Variants in RIPOR2 observed in about 807,000 individuals in gnomAD.
RIPOR2 encodes the protein RHO family interacting cell polarization regulator 2, also known as rho family-interacting cell polarization regulator 2.
Under a neutral mutation model 114.5 loss-of-function variants are expected in RIPOR2, and 39 were observed. That is an observed-to-expected ratio of 0.34 (90% confidence interval 0.26 to 0.44). The LOEUF is 0.44. Among genes scored for constraint, RIPOR2 ranks in the 20% least tolerant of loss-of-function variants. The pLI, the probability that RIPOR2 is intolerant of heterozygous loss-of-function variation, is 1.00. For synonymous variants in RIPOR2, 445 were observed against 484.4 expected, an observed-to-expected ratio of 0.92 and a Z score of 1.07; for missense variants, 1,007 against 1,255.1, an observed-to-expected ratio of 0.80 and a Z score of 2.99.
chr6:24,811,956 T>C (rs1249994458), intron 20 of RIPOR2, among the ~76,000 whole-genome samples: 1 of 8,046 alleles, frequency 1.2e-4, no homozygotes, highest in African/African-American at 1.9e-4. Context: ...TGCGATAGTT[T>C]ACTGAGAATG....
At chr6:24,864,195 T>A (rs2113845071) in intron 7 of RIPOR2, among the ~76,000 whole-genome samples, 1 of 152,090 alleles carries the variant, frequency 6.6e-6, no homozygotes, top group Non-Finnish European at 1.5e-5. Context: ...TCCCAGCTAC[T>A]TGGGAAGCTG....
chr6:24,993,520 C>A (rs549234976), intron 1 of RIPOR2, among the ~76,000 whole-genome samples: 57 of 152,314 alleles, frequency 3.7e-4, no homozygotes, highest in African/African-American at 1.3e-3. Context: ...ACCATTGGGT[C>A]TTGCTTTTTT....
chr6:24,948,706 T>A (rs561926266), intron 1 of RIPOR2, among the ~76,000 whole-genome samples: 2 of 152,270 alleles, frequency 1.3e-5, no homozygotes, highest in East Asian at 3.9e-4. Flanking sequence ...TAATTTTGTA[T>A]TTTTAGTAGA....
intron 21 of RIPOR2, among the ~76,000 whole-genome samples, chr6:24,808,466 T>C (rs1780919713): frequency 2.0e-5 from 3 of 152,342 alleles, no homozygotes; most frequent in Admixed American, 1.3e-4. Context: ...TAAACAAATA[T>C]ATACTGGCTA....
At chr6:24,831,402 A>C (rs1319357826) in intron 16 of RIPOR2, among the ~76,000 whole-genome samples, 3 of 152,008 alleles carry the variant, frequency 2.0e-5, no homozygotes, top group African/African-American at 7.2e-5. Context: ...GGAAATTTTT[A>C]CCCTGCCCAG....
chr6:24,905,220 C>T (rs750203766), intron 1 of RIPOR2, among the ~76,000 whole-genome samples: 1 of 152,150 alleles, frequency 6.6e-6, no homozygotes, highest in Non-Finnish European at 1.5e-5. Context: ...GCCTTCCTGA[C>T]CCAACAATCC....
intron 1 of RIPOR2, among the ~76,000 whole-genome samples, chr6:24,966,714 A>G (rs999220867): frequency 2.5e-4 from 38 of 152,350 alleles, no homozygotes; most frequent in African/African-American, 9.1e-4. Flanking sequence ...GATCCAAGGT[A>G]CAGCACTGCC....
chr6:24,957,862 G>A (rs1753528), intron 1 of RIPOR2, among the ~76,000 whole-genome samples: 120,863 of 152,152 alleles, frequency 0.79, 51,596 homozygotes, highest in East Asian at 0.96. Context: ...GCGACAGAGC[G>A]AAGACTCCGT....
chr6:24,958,970 G>A (rs1371956953), intron 1 of RIPOR2, among the ~76,000 whole-genome samples: 22 of 6,804 alleles, frequency 3.2e-3, no homozygotes, highest in African/African-American at 0.016. Flanking sequence ...TTTTTTTTTG[G>A]AGACAGGGTC....
In RIPOR2 at chr6:25,012,219, T is replaced by C. The variant is rs75441725; in HGVS notation, c.76+29632A>G. Among the ~76,000 whole-genome samples the C allele has an allele frequency of 9.8e-3, 1,486 of 152,250 alleles. 12 individuals are homozygous for C. The highest frequency in any genetic ancestry group is 0.017 in the Non-Finnish European group (1,143 of 68,006). On this transcript the variant is annotated intron_variant, in intron 1 of 13. Transcript: ENST00000510784. ...TGGTTAAACTAAAAAAGATAGATAA[T>C]ATAATAACATATGTTCTTGAGAATG...
intron 1 of RIPOR2, among the ~76,000 whole-genome samples, chr6:24,912,212 G>A (rs1178231680): frequency 1.3e-5 from 2 of 152,200 alleles, no homozygotes; most frequent in Non-Finnish European, 2.9e-5. Flanking sequence ...GACCATCTCT[G>A]TCTGATATAA....
chr6:25,025,616 A>T (rs1411855309), intron 1 of RIPOR2, among the ~76,000 whole-genome samples: 3 of 152,252 alleles, frequency 2.0e-5, no homozygotes, highest in Non-Finnish European at 4.4e-5. Flanking sequence ...AATTGTTTTT[A>T]GAATATAACT....
intron 1 of RIPOR2, among the ~76,000 whole-genome samples, chr6:24,903,377 A>G (rs1169810554): frequency 6.6e-6 from 1 of 152,178 alleles, no homozygotes; most frequent in Non-Finnish European, 1.5e-5. Context: ...CTCTCCATGT[A>G]TCAGAGTATC....
chr6:24,899,019 T>C (rs1768161672), intron 1 of RIPOR2, among the ~76,000 whole-genome samples: 1 of 150,546 alleles, frequency 6.6e-6, no homozygotes, highest in South Asian at 2.1e-4. Flanking sequence ...TAGGTGTGAG[T>C]TCAAAGAGGC....
At chr6:24,984,089 C>T (rs941206567) in intron 1 of RIPOR2, among the ~76,000 whole-genome samples, 7 of 152,126 alleles carry the variant, frequency 4.6e-5, no homozygotes, top group African/African-American at 1.4e-4. Context: ...CTTGACACCT[C>T]GGAGCACCAG....
intron 1 of RIPOR2, among the ~76,000 whole-genome samples, chr6:24,946,620 T>C (rs752390026): frequency 6.6e-6 from 1 of 152,118 alleles, no homozygotes; most frequent in South Asian, 2.1e-4. Flanking sequence ...CTGGTGCAGA[T>C]CTCACATTGA....
chr6:25,035,439 G>A (rs966629752), intron 1 of RIPOR2, among the ~76,000 whole-genome samples: 1 of 152,072 alleles, frequency 6.6e-6, no homozygotes, highest in African/African-American at 2.4e-5. Flanking sequence ...GCCTAAAATC[G>A]CAGCACAAGG....
chr6:24,934,645 T>A (rs897883494), intron 1 of RIPOR2, among the ~76,000 whole-genome samples: 4 of 152,224 alleles, frequency 2.6e-5, no homozygotes, highest in Admixed American at 6.5e-5. Flanking sequence ...TAGAGTTTTT[T>A]AAAAAATTGC....
chr6:24,828,984 T>C (rs938113306), intron 17 of RIPOR2, among the ~76,000 whole-genome samples: 16 of 152,178 alleles, frequency 1.1e-4, no homozygotes, highest in African/African-American at 3.9e-4. Flanking sequence ...ATCATTCAAA[T>C]TATTGATTAT....
Sources: allele counts gnomAD v4.1 joint callset (sites outside exome capture counted in the v4.1 genomes callset), GRCh38; gene constraint gnomAD v4.1.1; transcripts MANE v1.5; gene names NCBI Gene and HGNC (gene_info 2026-07-23, HGNC 2026-07-21).